Variants in NUMB observed in about 807,000 individuals in gnomAD.
NUMB encodes the protein NUMB endocytic adaptor protein, also known as protein numb homolog.
A neutral mutation model predicts 59.7 loss-of-function variants in NUMB; 29 were observed. The ratio of observed to expected loss-of-function variants is 0.49; its 90% CI spans 0.36 to 0.66. NUMB has a LOEUF of 0.66. Among genes scored for constraint, NUMB ranks in the 30% least tolerant of loss-of-function variants. NUMB has a pLI of 0.00. For missense variants in NUMB, 723 were observed against 822.0 expected (o/e 0.88, Z 1.47); for synonymous variants, 288 against 288.2 (o/e 1.00, Z 0.01).
At chr14:73,323,100 G>C in intron 5 of NUMB, 30 bp downstream of exon 5, 1 of 1,538,944 alleles carries the variant, frequency 6.5e-7, no homozygotes, top group Non-Finnish European at 9.0e-7. Context: ...ATAGCATATA[G>C]ATCAACACTG....
intron 4 of NUMB, among the ~76,000 whole-genome samples, chr14:73,350,197 G>A (rs1893163392): frequency 8.0e-6 from 1 of 124,500 alleles, no homozygotes. Context: ...TTTTTGAGAT[G>A]GAGTCTCGGT....
intron 1 of NUMB, among the ~76,000 whole-genome samples, chr14:73,439,294 A>G (rs1270826948): frequency 6.6e-6 from 1 of 152,090 alleles, no homozygotes; most frequent in Non-Finnish European, 1.5e-5. Flanking sequence ...AAACTCGAAC[A>G]CTCTGTAAAA....
At chr14:73,392,741 C>G (rs1566776727) in intron 2 of NUMB, among the ~76,000 whole-genome samples, 1 of 152,148 alleles carries the variant, frequency 6.6e-6, no homozygotes, top group Non-Finnish European at 1.5e-5. Context: ...TATATTAAGA[C>G]ACCATGATAA....
intron 1 of NUMB, among the ~76,000 whole-genome samples, chr14:73,441,962 G>A (rs1476783646): frequency 6.6e-6 from 1 of 152,038 alleles, no homozygotes; most frequent in Non-Finnish European, 1.5e-5. Flanking sequence ...CTCACTGCTG[G>A]TGAGAATGTA....
intron 1 of NUMB, among the ~76,000 whole-genome samples, chr14:73,411,227 G>A (rs566517463): frequency 7.1e-6 from 1 of 141,620 alleles, no homozygotes; most frequent in African/African-American, 2.5e-5. Flanking sequence ...GGGTGGGGGT[G>A]GGGGTGGGTA....
At chr14:73,440,976 A>G (rs1883024674) in intron 1 of NUMB, among the ~76,000 whole-genome samples, 3 of 151,992 alleles carry the variant, frequency 2.0e-5, no homozygotes, top group South Asian at 4.1e-4. Flanking sequence ...TTAAAATGAA[A>G]AAACTTTTGT....
intron 6 of NUMB, among the ~76,000 whole-genome samples, chr14:73,307,934 C>A (rs749583932): frequency 1.3e-5 from 2 of 151,882 alleles, no homozygotes; most frequent in Non-Finnish European, 2.9e-5. Flanking sequence ...GGGGTTTCAC[C>A]GTGTTAGCCA....
At chr14:73,323,898 C>T (rs1044373900) in intron 4 of NUMB, among the ~76,000 whole-genome samples, 29 of 152,158 alleles carry the variant, frequency 1.9e-4, no homozygotes, top group Admixed American at 1.7e-3. Flanking sequence ...ACTCAGAACA[C>T]GTTACCCCAA....
chr14:73,415,240 A>G (rs1401478876), intron 1 of NUMB, among the ~76,000 whole-genome samples: 1 of 152,162 alleles, frequency 6.6e-6, no homozygotes, highest in Non-Finnish European at 1.5e-5. Flanking sequence ...TTAAAAGGAG[A>G]GCTAAATACC....
At chr14:73,415,507 T>C (rs1039954685) in intron 1 of NUMB, among the ~76,000 whole-genome samples, 2 of 61,128 alleles carry the variant, frequency 3.3e-5, no homozygotes, top group Admixed American at 6.5e-4. Flanking sequence ...TTTTTTCTTT[T>C]CTTTTTTTTT....
At chr14:73,327,284 G>A (rs1891712378) in intron 4 of NUMB, among the ~76,000 whole-genome samples, 1 of 152,066 alleles carries the variant, frequency 6.6e-6, no homozygotes, top group Non-Finnish European at 1.5e-5. Flanking sequence ...TTGAGACACA[G>A]CCTCACTCTG....
chr14:73,331,055 T>C (rs1891948344), intron 4 of NUMB, among the ~76,000 whole-genome samples: 1 of 152,186 alleles, frequency 6.6e-6, no homozygotes, highest in Admixed American at 6.5e-5. Flanking sequence ...TTTCCACGCA[T>C]ATATTTCATA....
chr14:73,289,927 T>TC (rs1889281365), intron 8 of NUMB, among the ~76,000 whole-genome samples: 1 of 152,162 alleles, frequency 6.6e-6, no homozygotes. Context: ...AGTGACCTCA[T>TC]CCCCAACCAA....
intron 6 of NUMB, among the ~76,000 whole-genome samples, chr14:73,303,075 G>A (rs918500347): frequency 2.6e-5 from 4 of 151,850 alleles, no homozygotes; most frequent in East Asian, 1.9e-4. Context: ...AAAATTAGCC[G>A]GGTGTGGTAG....
chr14:73,294,448 G>T (rs1889622639), intron 7 of NUMB, among the ~76,000 whole-genome samples: 1 of 152,148 alleles, frequency 6.6e-6, no homozygotes, highest in African/African-American at 2.4e-5. Context: ...AAGGGTCAGA[G>T]ATTTGGGCAG....
intron 1 of NUMB, among the ~76,000 whole-genome samples, chr14:73,412,091 A>G (rs1394947150): frequency 6.6e-6 from 1 of 151,346 alleles, no homozygotes; most frequent in Non-Finnish European, 1.5e-5. Context: ...TGCCCACCTA[A>G]TTTTTAAAAA....
chr14:73,325,334 G>C lies in NUMB; in HGVS notation c.127-2130C>G, dbSNP rs113318155. Among the ~76,000 whole-genome samples, 691 of 152,174 alleles carry C rather than the reference G, an allele frequency of 4.5e-3. 3 individuals are homozygous for C. Among genetic ancestry groups the C allele is most frequent in the African/African-American group, 0.016 (669 of 41,518 alleles). On this transcript the variant is annotated intron_variant, in intron 4 of 12. Coordinates refer to ENST00000555238, the MANE Select transcript of NUMB (RefSeq NM_001005743.2). The stretch of plus-strand genomic sequence containing the variant: ...ATAAAAAAATTAGCACACACCTGTA[G>C]TACTAACTATTCAGGAGGCTGAGGC...
chr14:73,429,904 C>G (rs1047365155), intron 1 of NUMB, among the ~76,000 whole-genome samples: 5 of 151,370 alleles, frequency 3.3e-5, no homozygotes, highest in African/African-American at 1.2e-4. Flanking sequence ...GAGATCGCAC[C>G]ACTGCACTCC....
At chr14:73,353,855 A>G (rs1215069584) in intron 4 of NUMB, among the ~76,000 whole-genome samples, 1 of 152,046 alleles carries the variant, frequency 6.6e-6, no homozygotes, top group African/African-American at 2.4e-5. Flanking sequence ...AGCCAACTGT[A>G]TGGTGGGGGA....
Sources: allele counts gnomAD v4.1 joint callset (sites outside exome capture counted in the v4.1 genomes callset), GRCh38; gene constraint gnomAD v4.1.1; transcripts MANE v1.5; gene names NCBI Gene and HGNC (gene_info 2026-07-23, HGNC 2026-07-21).